Variants in MTUS1 observed in about 807,000 individuals in gnomAD.
MTUS1 encodes the protein microtubule associated scaffold protein 1, also known as microtubule-associated tumor suppressor 1.
MTUS1 carries 109 observed loss-of-function variants against 120.8 expected under a neutral mutation model. The ratio of observed to expected loss-of-function variants is 0.90; its 90% CI spans 0.77 to 1.06. The LOEUF (loss-of-function observed/expected upper bound fraction) is 1.06, where lower values mean the gene tolerates loss of function less well. MTUS1 is among the 50% of genes least tolerant of loss of function. The probability of loss-of-function intolerance (pLI) is 0.00; values close to 1 mark genes in which losing one functional copy is unlikely to be tolerated. For synonymous variants in MTUS1, 737 were observed against 550.5 expected, an observed-to-expected ratio of 1.34 and a Z score of -4.74; for missense variants, 2,210 against 1,486.3, an observed-to-expected ratio of 1.49 and a Z score of -8.01.
intron 3 of MTUS1, among the ~76,000 whole-genome samples, chr8:17,733,450 T>A (rs970388516): frequency 6.6e-6 from 1 of 152,128 alleles, no homozygotes; most frequent in Non-Finnish European, 1.5e-5. Flanking sequence ...CAAATAGTCA[T>A]AAATTTTTAA....
rs371270749 is a variant in MTUS1, at chr8:17,725,804, T to C, written c.2288-1971A>G. 3.7e-4 allele frequency among the ~76,000 whole-genome samples: 56 copies of C among 152,348 alleles called. 2 individuals carry two copies. In the South Asian group the frequency reaches 0.012, roughly 32 times the overall value. ...CAATTTCTTTTATTAGCTCATCAGC[T>C]ATCATCAGCATATTTTATGTGTGGC... On this transcript the variant is annotated intron_variant, in intron 3 of 14. Coordinates refer to ENST00000693296, the MANE Select transcript of MTUS1 (RefSeq NM_001363059.2).
chr8:17,702,415 G>A (rs139677064), intron 6 of MTUS1, among the ~76,000 whole-genome samples: 1,695 of 151,944 alleles, frequency 0.011, 35 homozygotes, highest in African/African-American at 0.039. Context: ...AACACTTAAT[G>A]AGATCTACCT....
upstream of MTUS1, chr8:17,801,348 CG>C (rs948890830): frequency 6.6e-6 from 1 of 151,822 alleles, no homozygotes; most frequent in African/African-American, 2.4e-5. Context: ...CGCCCCAACC[CG>C]GGGCGGCTCC....
chr8:17,687,407 G>A (rs372487470), intron 6 of MTUS1, among the ~76,000 whole-genome samples: 2 of 152,278 alleles, frequency 1.3e-5, no homozygotes, highest in African/African-American at 4.8e-5. Flanking sequence ...TGAAAAGCCA[G>A]GGGTTCCCTT....
At chr8:17,680,532 T>A (rs1214950351) in intron 7 of MTUS1, among the ~76,000 whole-genome samples, 1 of 148,640 alleles carries the variant, frequency 6.7e-6, no homozygotes, top group Non-Finnish European at 1.5e-5. Context: ...CAGTCACAAT[T>A]CCTTGGCTGT....
chr8:17,796,378 T>C (rs953346767), intron 1 of MTUS1, among the ~76,000 whole-genome samples: 4 of 5,714 alleles, frequency 7.0e-4, no homozygotes, highest in South Asian at 0.01. Flanking sequence ...AAAGTTATTT[T>C]GTAATCAAGA....
intron 3 of MTUS1, among the ~76,000 whole-genome samples, chr8:17,736,427 C>G (rs547817647): frequency 6.6e-6 from 1 of 152,230 alleles, no homozygotes; most frequent in Non-Finnish European, 1.5e-5. Context: ...CACGGCTGGT[C>G]CCTGTGCCTG....
In MTUS1 at chr8:17,765,618, C is replaced by A. The variant is rs1164462693; in HGVS notation, c.-154-9657G>T. Among the ~76,000 whole-genome samples, 74 of 94,456 alleles carry A rather than the reference C, an allele frequency of 7.8e-4. 1 individual carries two copies. Among genetic ancestry groups the A allele is most frequent in the African/African-American group, 9.0e-4 (20 of 22,212 alleles). 62.0% of individuals were successfully genotyped at this position (94,456 alleles called of 152,430 possible). ...TAGGAAACAGAGCAAGACTCTGTCTCAAAAAAAAAAAAAAAAGACTAGCTG... is the reference window on the plus strand; with the variant it reads ...TAGGAAACAGAGCAAGACTCTGTCTAAAAAAAAAAAAAAAAAGACTAGCTG... On this transcript the variant is annotated intron_variant, in intron 1 of 14. Transcript: ENST00000693296.
At chr8:17,653,047 A>T (rs1221813152) in intron 12 of MTUS1, 139 bp downstream of exon 12, 2 of 570,200 alleles carry the variant, frequency 3.5e-6, no homozygotes, top group Non-Finnish European at 6.1e-6. Flanking sequence ...GTTGTTTTAC[A>T]CACCTTAGAA....
At chr8:17,760,407 G>A (rs1250608749) in intron 1 of MTUS1, among the ~76,000 whole-genome samples, 1 of 152,104 alleles carries the variant, frequency 6.6e-6, no homozygotes, top group East Asian at 1.9e-4. Flanking sequence ...AGGTTCTGCA[G>A]TTAAGCTGAT....
rs1381354680 is a variant in MTUS1 at position 17,761,761 on chromosome 8, G to A, written c.-154-5800C>T. Among the ~76,000 whole-genome samples, 5 of 152,080 alleles carry A rather than the reference G, an allele frequency of 3.3e-5. No homozygotes were observed. The South Asian group carries it at 6.2e-4, about 19-fold the overall frequency. Reference sequence around the variant, plus strand: ...ACTTATTTATGTTAATATATGGCACGCCAGTCCTTTAAGATGTGAATACAA... The same window carrying A: ...ACTTATTTATGTTAATATATGGCACACCAGTCCTTTAAGATGTGAATACAA... On this transcript the variant is annotated intron_variant, in intron 1 of 14. Coordinates refer to ENST00000693296, the MANE Select transcript of MTUS1 (RefSeq NM_001363059.2).
At chr8:17,697,296 G>T in intron 6 of MTUS1, 1 of 1,614,154 alleles carries the variant, frequency 6.2e-7, no homozygotes, top group Non-Finnish European at 8.5e-7. Context: ...AACCCTGAAG[G>T]AAGTCGAAGG....
chr8:17,674,981 A>C, intron 8 of MTUS1: 1 of 1,386,040 alleles, frequency 7.2e-7, no homozygotes, highest in Non-Finnish European at 9.3e-7. Flanking sequence ...GCTTAGTCAG[A>C]TCAGTGCCAG....
chr8:17,676,211 C>A (rs1238428714), intron 7 of MTUS1: 5 of 701,568 alleles, frequency 7.1e-6, no homozygotes, highest in Non-Finnish European at 1.3e-5. Flanking sequence ...TCCCTGAATT[C>A]CAGACAGCCT....
At position 17,653,305 on chromosome 8, in the gene MTUS1, CTTAAG is replaced by C. The variant is rs554343497; in HGVS notation, c.3289-29_3289-25del. 3.1e-3 allele frequency: 4,667 copies of C among 1,513,096 alleles called. 9 individuals are homozygous for C. The highest frequency in any genetic ancestry group is 3.4e-3 in the Non-Finnish European group (3,857 of 1,122,098). The allele number at this position is 1,513,096 out of a possible 1,614,324, so 93.7% of individuals were successfully genotyped here. The stretch of plus-strand genomic sequence containing the variant: ...TTCTAAAACACAATGAAATGTGGAA[CTTAAG>C]TTAACAAGAAAACCCCAGAAACTCA... On this transcript the variant is annotated intron_variant, in intron 11 of 14. Coordinates refer to ENST00000693296, the MANE Select transcript of MTUS1 (RefSeq NM_001363059.2).
At position 17,721,762 on chromosome 8, in the gene MTUS1, G is replaced by T. The variant is rs201990102; in HGVS notation, c.2449+1910C>A. On this transcript the variant is annotated intron_variant, in intron 4 of 14. Transcript: ENST00000693296. Reference sequence around the variant, plus strand: ...CAAAGGAATTATACAAAGGCTGTACGATCCCACGACCAGCAGTGTCAATAA... The same window carrying T: ...CAAAGGAATTATACAAAGGCTGTACTATCCCACGACCAGCAGTGTCAATAA... 5.1e-5 allele frequency: 82 copies of T among 1,613,836 alleles called. 1 individual carries two copies. In the East Asian group the frequency reaches 1.7e-3, roughly 34 times the overall value.
intron 6 of MTUS1, among the ~76,000 whole-genome samples, chr8:17,711,447 T>C (rs2937895): frequency 0.5 from 71,685 of 143,050 alleles, 17,624 homozygotes; most frequent in Middle Eastern, 0.63. Flanking sequence ...CTCTGCTAGC[T>C]TCCAGCTTTT....
At chr8:17,692,486 G>C (rs1452858586) in intron 6 of MTUS1, among the ~76,000 whole-genome samples, 4 of 152,172 alleles carry the variant, frequency 2.6e-5, no homozygotes, top group Admixed American at 2.6e-4. Flanking sequence ...TTGCTTCTTA[G>C]TGAAGCTGTT....
chr8:17,698,796 T>C (rs1818471472), intron 6 of MTUS1, among the ~76,000 whole-genome samples: 1 of 152,068 alleles, frequency 6.6e-6, no homozygotes, highest in Admixed American at 6.5e-5. Flanking sequence ...ACAGACCCAA[T>C]AACCTGTCCA....
Sources: allele counts gnomAD v4.1 joint callset (sites outside exome capture counted in the v4.1 genomes callset), GRCh38; gene constraint gnomAD v4.1.1; transcripts MANE v1.5; gene names NCBI Gene and HGNC (gene_info 2026-07-23, HGNC 2026-07-21).